Variants in RARB observed in about 807,000 individuals in gnomAD.
RARB encodes HBV-activated protein.
Under a neutral mutation model 51.9 loss-of-function variants are expected in RARB, and 17 were observed. That is an observed-to-expected ratio of 0.33 (90% CI 0.22 to 0.49). RARB has a LOEUF of 0.49. RARB is among the 20% of genes least tolerant of loss of function. The pLI is 0.99. For missense variants in RARB, 369 were observed against 550.8 expected (o/e 0.67, Z 3.30); for synonymous variants, 215 against 195.4 (o/e 1.10, Z -0.84).
chr3:25,007,706 G>C (rs558233860), intron 2 of RARB, among the ~76,000 whole-genome samples: 3 of 151,174 alleles, frequency 2.0e-5, no homozygotes, highest in African/African-American at 7.3e-5. Context: ...TAAGACTCAA[G>C]TACCCACCAC....
intron 5 of RARB, among the ~76,000 whole-genome samples, chr3:25,312,007 G>T (rs538849914): frequency 1.3e-5 from 2 of 152,278 alleles, no homozygotes; most frequent in African/African-American, 2.4e-5. Flanking sequence ...AGGAAAAAAA[G>T]TATGTGAAAA....
At chr3:25,306,634 A>G (rs1384481266) in intron 5 of RARB, among the ~76,000 whole-genome samples, 1 of 152,340 alleles carries the variant, frequency 6.6e-6, no homozygotes, top group African/African-American at 2.4e-5. Flanking sequence ...TTTTTAGATT[A>G]AAAATGCCAA....
chr3:24,862,272 G>T (rs1264954107), intron 2 of RARB, among the ~76,000 whole-genome samples: 2 of 152,150 alleles, frequency 1.3e-5, no homozygotes, highest in Non-Finnish European at 2.9e-5. Context: ...GTGTTGGAGT[G>T]CTATTAAAGG....
In RARB at chr3:24,891,910, A is replaced by G. The variant is rs1026346866; in HGVS notation, c.-380+33158A>G. On this transcript the variant is annotated intron_variant, in intron 2 of 11. Transcript: ENST00000383772. The stretch of plus-strand genomic sequence containing the variant: ...GTTCAACTTTCCTAAGCCCCCCTTG[A>G]TTCTGGAGCTGCACCCACAGAAGTA... Among the ~76,000 whole-genome samples the G allele has an allele frequency of 5.3e-5, 8 of 152,074 alleles. 1 individual carries two copies. The highest frequency in any genetic ancestry group is 1.9e-4 in the African/African-American group (8 of 41,412).
chr3:24,914,818 A>G (rs1695071388), intron 2 of RARB, among the ~76,000 whole-genome samples: 1 of 152,216 alleles, frequency 6.6e-6, no homozygotes. Context: ...GGTCCACCGT[A>G]CAATGCCCGA....
chr3:25,059,484 A>G (rs552049882), intron 2 of RARB, among the ~76,000 whole-genome samples: 74 of 151,912 alleles, frequency 4.9e-4, no homozygotes, highest in African/African-American at 1.7e-3. Flanking sequence ...AACTTCTGTC[A>G]TTTTAGTAGT....
At chr3:25,243,739 G>A (rs569988308) in intron 5 of RARB, among the ~76,000 whole-genome samples, 8 of 152,166 alleles carry the variant, frequency 5.3e-5, no homozygotes, top group South Asian at 4.2e-4. Context: ...TTTTCCCTTC[G>A]ATGTTCATCA....
chr3:24,934,171 G>T (rs1695501176), intron 2 of RARB, among the ~76,000 whole-genome samples: 1 of 152,082 alleles, frequency 6.6e-6, no homozygotes, highest in South Asian at 2.1e-4. Flanking sequence ...CTGTGTCCTT[G>T]GTCCTAGCTA....
At chr3:25,135,668 G>C (rs562892989) in intron 4 of RARB, among the ~76,000 whole-genome samples, 1 of 151,964 alleles carries the variant, frequency 6.6e-6, no homozygotes, top group African/African-American at 2.4e-5. Flanking sequence ...CTAAATGGTA[G>C]GAAGAAAAGA....
intron 2 of RARB, among the ~76,000 whole-genome samples, chr3:25,497,209 G>A (rs1414950098): frequency 5.3e-5 from 8 of 152,130 alleles, no homozygotes; most frequent in Admixed American, 2.6e-4. Flanking sequence ...AAGACTTCTA[G>A]CCACAATCTC....
chr3:25,142,354 A>G (rs984554564), intron 4 of RARB, among the ~76,000 whole-genome samples: 2 of 152,144 alleles, frequency 1.3e-5, no homozygotes, highest in Non-Finnish European at 1.5e-5. Flanking sequence ...ATAATAAAAA[A>G]AAAATCTTGA....
chr3:25,208,314 T>A (rs1202942915), intron 5 of RARB, among the ~76,000 whole-genome samples: 1 of 152,210 alleles, frequency 6.6e-6, no homozygotes, highest in Non-Finnish European at 1.5e-5. Context: ...TTTTTTCTTA[T>A]TCTAATATTC....
intron 2 of RARB, among the ~76,000 whole-genome samples, chr3:24,870,260 T>C (rs924219381): frequency 6.6e-6 from 1 of 152,126 alleles, no homozygotes. Context: ...AATAGAAATA[T>C]TGTTTTCCTA....
intron 2 of RARB, among the ~76,000 whole-genome samples, chr3:25,036,907 A>G (rs568525797): frequency 6.6e-6 from 1 of 152,166 alleles, no homozygotes; most frequent in East Asian, 1.9e-4. Context: ...TTTTCTTCTA[A>G]CCTATGGTAC....
At chr3:25,185,771 C>T (rs893767899) in intron 5 of RARB, among the ~76,000 whole-genome samples, 1 of 152,096 alleles carries the variant, frequency 6.6e-6, no homozygotes, top group African/African-American at 2.4e-5. Context: ...ATTTGTCTTT[C>T]ATTTTTTCTT....
chr3:25,554,352 T>G (rs1699967420), intron 3 of RARB, among the ~76,000 whole-genome samples: 1 of 152,076 alleles, frequency 6.6e-6, no homozygotes, highest in South Asian at 2.1e-4. Flanking sequence ...AAGGACGTTT[T>G]TTAGTGTACA....
At chr3:25,053,619 G>A (rs1214691438) in intron 2 of RARB, among the ~76,000 whole-genome samples, 2 of 152,254 alleles carry the variant, frequency 1.3e-5, no homozygotes, top group East Asian at 3.9e-4. Flanking sequence ...TTTTGAAAGT[G>A]GCTTGCAAAC....
At chr3:25,323,629 T>C (rs1454339203) in intron 5 of RARB, among the ~76,000 whole-genome samples, 2 of 152,164 alleles carry the variant, frequency 1.3e-5, no homozygotes, top group African/African-American at 4.8e-5. Flanking sequence ...ATATGAAACA[T>C]TTTCCATAAC....
chr3:25,478,746 C>T (rs532779181), intron 2 of RARB, among the ~76,000 whole-genome samples: 1 of 152,182 alleles, frequency 6.6e-6, no homozygotes, highest in Non-Finnish European at 1.5e-5. Context: ...GGAAACAGAC[C>T]GCAAGCTGAT....
Sources: gnomAD v4.1 joint callset for allele counts (sites outside exome capture counted in the v4.1 genomes callset) on GRCh38, gnomAD v4.1.1 for gene constraint, MANE v1.5 for transcripts, NCBI Gene and HGNC (gene_info 2026-07-23, HGNC 2026-07-21) for gene names.